TRPT1: variants seen among roughly 807,000 people sequenced by gnomAD.
TRPT1 encodes tRNA phosphotransferase 1.
Under a neutral mutation model 28.4 loss-of-function variants are expected in TRPT1, and 22 were observed. The observed-to-expected ratio is 0.78, with a 90% CI of 0.55 to 1.11. TRPT1 has a LOEUF of 1.11. TRPT1 is among the 50% of genes least tolerant of loss of function. The pLI, the probability that TRPT1 is intolerant of heterozygous loss-of-function variation, is 0.00. For missense variants in TRPT1, 308 were observed against 317.7 expected (o/e 0.97, Z 0.23); for synonymous variants, 137 against 132.4 (o/e 1.03, Z -0.24).
intron 3 of TRPT1, 122 bp from the exon 4 acceptor site, chr11:64,225,092 A>G: frequency 8.9e-7 from 1 of 1,122,020 alleles, no homozygotes; most frequent in South Asian, 1.6e-5. Context: ...CCTCTGTGGG[A>G]CCTTTAGAAA....
intron 5 of TRPT1, 80 bp from the exon 6 acceptor site, chr11:64,224,421 G>T (rs976531315): frequency 6.2e-7 from 1 of 1,603,532 alleles, no homozygotes; most frequent in Admixed American, 1.7e-5. Context: ...CTGGGCTGGG[G>T]GATGCAGGGG....
chr11:64,225,495 T>C lies in TRPT1; in HGVS notation c.157+4A>G. On this transcript the variant is annotated splice_donor_region_variant and intron_variant, in intron 3 of 7. Coordinates refer to ENST00000317459, the MANE Select transcript of TRPT1 (RefSeq NM_001033678.4). Reference sequence around the variant, plus strand: ...AAGCCCCAGCCTCCAAGGCCCCTACTTACCAGCTCCCATGGGAAGCCCCAG... The same window carrying C: ...AAGCCCCAGCCTCCAAGGCCCCTACCTACCAGCTCCCATGGGAAGCCCCAG... 4 of 1,611,948 alleles carry C rather than the reference T, an allele frequency of 2.5e-6. No individual in the cohort carries two copies. The highest frequency in any genetic ancestry group is 3.4e-6 in the Non-Finnish European group (4 of 1,179,000).
At position 64,224,879 on chromosome 11, in the gene TRPT1, C is replaced by T. The variant is rs1565304621; in HGVS notation, c.249G>A (p.Arg83=). 3.1e-6 allele frequency: 5 copies of T among 1,611,686 alleles called. No individual in the cohort carries two copies. The East Asian group carries it at 6.7e-5, about 22-fold the overall frequency. ...CCAGCTGCAGGGCGAACCGCTGCTT[C>T]CTATTGGTGTCCACCACGCGCTGCA... ...EDVQRVVDTN[R]KQRFALQLGD... Residue 83 remains arginine, a synonymous_variant, in exon 4 of 8, where the codon AGG becomes AGA. Transcript: ENST00000317459.
chr11:64,224,830 T>C lies in TRPT1; in HGVS notation c.298A>G (p.Ile100Val). The change falls in exon 4 of 8, where the codon ATC (isoleucine) becomes GTC (valine). Residue 100 changes from isoleucine (I) to valine (V), a missense_variant. Ile to Val is a conservative substitution (Grantham distance 29). Coordinates refer to ENST00000317459, the MANE Select transcript of TRPT1 (RefSeq NM_001033678.4). The part of the protein sequence containing the change: ...QLGDPSTGLL[I>V]RANQGHSLQV... ...AGGGAATGGCCCTGGTTGGCCCGGA[T>C]GAGAAGGCCAGTGCTGGGATCCCCC... 1 of 1,613,454 alleles carries C rather than the reference T, an allele frequency of 6.2e-7. No homozygotes were observed. Among genetic ancestry groups the C allele is most frequent in the Non-Finnish European group, 8.5e-7 (1 of 1,179,704 alleles).
chr11:64,225,394 T>C (rs10897477), intron 3 of TRPT1, 105 bp downstream of exon 3: 43,850 of 913,434 alleles, frequency 0.048, 5,572 homozygotes, highest in African/African-American at 0.38. Context: ...AAGTGCACTC[T>C]GTGCCTTCCT....
chr11:64,225,472 G>A, intron 3 of TRPT1, 27 bp downstream of exon 3: 1 of 1,593,844 alleles, frequency 6.3e-7, no homozygotes, highest in Non-Finnish European at 8.6e-7. Flanking sequence ...CTGGGCTCAA[G>A]CCCCAGCCTC....
chr11:64,226,207 C>CGCGGCTGGGCGG, upstream of TRPT1: 1 of 355,598 alleles, frequency 2.8e-6, no homozygotes, highest in Non-Finnish European at 4.9e-6. Flanking sequence ...GATCCTCGAC[C>CGCGGCTGGGCGG]GCGGCGGACC....
In TRPT1 at chr11:64,224,445, C is replaced by A. The variant is rs575856954; in HGVS notation, c.502+98G>T. 4 of 1,594,082 alleles carry A rather than the reference C, an allele frequency of 2.5e-6. No individual in the cohort carries two copies. The Admixed American group carries it at 6.8e-5, about 27-fold the overall frequency. ...GGGATGCAGGGGTGCTGCTCCATGC[C>A]GGACATGGGGTGGCCCCAGACAAGT... On this transcript the variant is annotated intron_variant, in intron 5 of 7. Transcript: ENST00000317459.
chr11:64,225,213 C>T, intron 3 of TRPT1: 1 of 610,614 alleles, frequency 1.6e-6, no homozygotes, highest in Non-Finnish European at 2.9e-6. Flanking sequence ...AGTGCACACT[C>T]ACACCACCAG....
intron 5 of TRPT1, 21 bp from the exon 6 acceptor site, chr11:64,224,362 G>T (rs1389426168): frequency 5.6e-6 from 9 of 1,613,162 alleles, no homozygotes; most frequent in Non-Finnish European, 6.8e-6. Flanking sequence ...AGCTGGAGCT[G>T]AGGCCTGGGC....
chr11:64,224,894 C>T lies in TRPT1; in HGVS notation c.234G>A (p.Val78=). Reference sequence around the variant, plus strand: ...ACCGCTGCTTCCTATTGGTGTCCACCACGCGCTGCACATCTTCAGCAGAGA... The same window carrying T: ...ACCGCTGCTTCCTATTGGTGTCCACTACGCGCTGCACATCTTCAGCAGAGA... ...RGFSAEDVQR[V]VDTNRKQRFA... is the part of the protein sequence containing the mutation. The change falls in exon 4 of 8, where the codon GTG becomes GTA. Residue 78 remains valine, a synonymous_variant. Transcript: ENST00000317459. 1 of 1,606,600 alleles carries T rather than the reference C, an allele frequency of 6.2e-7. No homozygotes were observed. The highest frequency in any genetic ancestry group is 2.2e-5 in the East Asian group (1 of 44,468).
At chr11:64,225,608 T>TCTCC in intron 2 of TRPT1, 28 bp from the exon 3 acceptor site, 1 of 1,593,372 alleles carries the variant, frequency 6.3e-7, no homozygotes, top group Non-Finnish European at 8.6e-7. Flanking sequence ...TGGCCCCTAG[T>TCTCC]CTCCATGGTG....
At position 64,225,591 on chromosome 11, in the gene TRPT1, C is replaced by T. The variant is rs756837719; in HGVS notation, c.76-11G>A. ...CTGCACGTCTCGGTCCTGAAAGAAC[C>T]CAGCGGTGGCCCCTAGTCTCCATGG... On this transcript the variant is annotated splice_polypyrimidine_tract_variant and intron_variant, in intron 2 of 7. Transcript: ENST00000317459. 3 of 1,605,620 alleles carry T rather than the reference C, an allele frequency of 1.9e-6. No individual in the cohort carries two copies. In the Admixed American group the frequency reaches 5.1e-5, roughly 27 times the overall value.
At chr11:64,225,439 C>T (rs1946937699) in intron 3 of TRPT1, 60 bp downstream of exon 3, 4 of 1,456,006 alleles carry the variant, frequency 2.7e-6, no homozygotes, top group Admixed American at 1.8e-5. Context: ...AGGGAGGAGT[C>T]GCAGACAGGC....
chr11:64,224,898 C>T lies in TRPT1; in HGVS notation c.230G>A (p.Arg77His), dbSNP rs1416802972. 7 of 1,605,566 alleles carry T rather than the reference C, an allele frequency of 4.4e-6. No homozygotes were observed. In the Admixed American group the frequency reaches 5.1e-5, roughly 12 times the overall value. Residue 77 changes from arginine to histidine, a missense_variant, in exon 4 of 8, where the codon CGC becomes CAC. Coordinates refer to ENST00000317459, the MANE Select transcript of TRPT1 (RefSeq NM_001033678.4). ...FRGFSAEDVQ[R>H]VVDTNRKQRF... The stretch of plus-strand genomic sequence containing the variant: ...CTGCTTCCTATTGGTGTCCACCACG[C>T]GCTGCACATCTTCAGCAGAGAAGCC...
At position 64,224,220 on chromosome 11, in the gene TRPT1, G is replaced by C; in HGVS notation, c.560-10C>G. On this transcript the variant is annotated splice_polypyrimidine_tract_variant and intron_variant, in intron 6 of 7. Transcript: ENST00000317459. ...AAGAAGGGTATTCCATCTGCTGACA[G>C]AGCCAGAGATGTGACTCATGCCCTC... The C allele has an allele frequency of 1.2e-6, 2 of 1,613,180 alleles. No homozygotes were observed. The highest frequency in any genetic ancestry group is 2.2e-5 in the South Asian group (2 of 91,060).
chr11:64,225,407 G>C, intron 3 of TRPT1, 92 bp downstream of exon 3: 1 of 1,076,514 alleles, frequency 9.3e-7, no homozygotes, highest in Non-Finnish European at 1.4e-6. Context: ...GCCTTCCTCA[G>C]GGAGCGGTGG....
At position 64,224,200 on chromosome 11, in the gene TRPT1, G is replaced by A. The variant is rs781712780; in HGVS notation, c.570C>T (p.Pro190=). The A allele has an allele frequency of 1.1e-5, 18 of 1,611,508 alleles. No individual in the cohort carries two copies. Among genetic ancestry groups the A allele is most frequent in the African/African-American group, 2.7e-5 (2 of 74,906 alleles). Reference sequence around the variant, plus strand: ...TCACCCCATTGGCAGAGCGGAAGAAGGGTATTCCATCTGCTGACAGAGCCA... The same window carrying A: ...TCACCCCATTGGCAGAGCGGAAGAAAGGTATTCCATCTGCTGACAGAGCCA... ...DGPLALADGI[P]FFRSANGVIL... Residue 190 remains proline, a synonymous_variant, in exon 7 of 8, where the codon CCC becomes CCT. Coordinates refer to ENST00000317459, the MANE Select transcript of TRPT1 (RefSeq NM_001033678.4).
At chr11:64,225,373 G>A (rs1946930405) in intron 3 of TRPT1, 126 bp downstream of exon 3, 2 of 751,358 alleles carry the variant, frequency 2.7e-6, no homozygotes, top group South Asian at 1.8e-5. Context: ...TCTCCTCTGT[G>A]CATGGGGAGG....
Sources: gnomAD v4.1 joint callset for allele counts on GRCh38, gnomAD v4.1.1 for gene constraint, MANE v1.5 for transcripts, NCBI Gene and HGNC (gene_info 2026-07-23, HGNC 2026-07-21) for gene names.